MYO1E: variants seen among roughly 807,000 people sequenced by gnomAD.
MYO1E encodes the protein myosin IE, also known as unconventional myosin-Ie.
In MYO1E, 68 loss-of-function variants were observed where a neutral mutation model predicts 151.1. The observed-to-expected ratio is 0.45, with a 90% CI of 0.37 to 0.55. MYO1E has a LOEUF of 0.55. Among genes scored for constraint, MYO1E ranks in the 20% least tolerant of loss-of-function variants. MYO1E has a pLI of 0.00. For synonymous variants in MYO1E, 601 were observed against 501.7 expected, an observed-to-expected ratio of 1.20 and a Z score of -2.64; for missense variants, 1,363 against 1,389.3, an observed-to-expected ratio of 0.98 and a Z score of 0.30.
chr15:59,236,509 T>C, intron 5 of MYO1E, 76 bp downstream of exon 5: 1 of 1,303,030 alleles, frequency 7.7e-7, no homozygotes, highest in South Asian at 1.2e-5. Flanking sequence ...GGAAGAAAAA[T>C]TCTTTTCTAA....
Position 59,203,637 on chromosome 15 carries a change from GTGCTGTGAT to G in MYO1E, c.1617-1239_1617-1231del, listed in dbSNP as rs552359846. Reference sequence around the variant, plus strand: ...GATCCACCCACCTTGGCCTCCCAAAGTGCTGTGATTACAGGCATGAGCCACTGCACCCAG... The same window carrying G: ...GATCCACCCACCTTGGCCTCCCAAAGTACAGGCATGAGCCACTGCACCCAG... On this transcript the variant is annotated intron_variant, in intron 15 of 27. Coordinates refer to ENST00000288235, the MANE Select transcript of MYO1E (RefSeq NM_004998.4). Among the ~76,000 whole-genome samples the G allele has an allele frequency of 1.1e-3, 165 of 152,286 alleles. 1 individual carries two copies. The highest frequency in any genetic ancestry group is 3.0e-3 in the African/African-American group (124 of 41,560).
At chr15:59,241,680 G>A (rs1397511841) in intron 4 of MYO1E, among the ~76,000 whole-genome samples, 5 of 151,698 alleles carry the variant, frequency 3.3e-5, no homozygotes, top group African/African-American at 9.7e-5. Context: ...CTCCAGCCTC[G>A]GTGACAGAGC....
intron 8 of MYO1E, among the ~76,000 whole-genome samples, chr15:59,223,764 G>T (rs1344415196): frequency 1.3e-5 from 2 of 152,146 alleles, no homozygotes; most frequent in Non-Finnish European, 1.5e-5. Flanking sequence ...AGTTTCTGAG[G>T]TCCCTTAAAT....
At chr15:59,138,817 C>A (rs2079389669) in intron 26 of MYO1E, among the ~76,000 whole-genome samples, 1 of 152,142 alleles carries the variant, frequency 6.6e-6, no homozygotes, top group Non-Finnish European at 1.5e-5. Context: ...ATTAACCATT[C>A]TCTGGCTCAT....
At position 59,230,224 on chromosome 15, in the gene MYO1E, T is replaced by TTG. The variant is rs71119445; in HGVS notation, c.510+1476_510+1477dup. 1.1e-3 allele frequency among the ~76,000 whole-genome samples: 144 copies of TTG among 127,006 alleles called. 1 individual carries two copies. The highest frequency in any genetic ancestry group is 4.1e-3 in the African/African-American group (135 of 32,942). 83.3% of individuals were successfully genotyped at this position (127,006 alleles called of 152,430 possible). ...TGAGAGAGAGAGAGACAGTGTGTGTTTGTGTGTGTGTGTGTGTGTGTGTGT... is the reference window on the plus strand; with the variant it reads ...TGAGAGAGAGAGAGACAGTGTGTGTTTGTGTGTGTGTGTGTGTGTGTGTGTGT... On this transcript the variant is annotated intron_variant, in intron 6 of 27. Coordinates refer to ENST00000288235, the MANE Select transcript of MYO1E (RefSeq NM_004998.4).
intron 8 of MYO1E, 120 bp downstream of exon 8, chr15:59,224,569 C>G: frequency 1.5e-6 from 2 of 1,379,256 alleles, no homozygotes; most frequent in Admixed American, 1.7e-5. Flanking sequence ...AGAGTGCTCA[C>G]AGAGAAAGAG....
At chr15:59,310,482 T>C (rs1179675849) in intron 1 of MYO1E, among the ~76,000 whole-genome samples, 1 of 151,988 alleles carries the variant, frequency 6.6e-6, no homozygotes. Context: ...GAAGGTCATG[T>C]GATGATGGAG....
At position 59,325,029 on chromosome 15, in the gene MYO1E, CCTTTT is replaced by C. The variant is rs1480220342; in HGVS notation, c.3+47464_3+47468del. On this transcript the variant is annotated intron_variant, in intron 1 of 27. Transcript: ENST00000288235. ...TTAACAATTTAAATGAATTCAATTT[CCTTTT>C]CTTTTTTTTTTTTATTTCTGGGACA... Among the ~76,000 whole-genome samples, 3 of 149,950 alleles carry C rather than the reference CCTTTT, an allele frequency of 2.0e-5. No individual in the cohort carries two copies. In the East Asian group the frequency reaches 5.9e-4, roughly 29 times the overall value.
rs2079358872 is a variant in MYO1E, at chr15:59,134,130, T to C, written c.*3250A>G. 1 of 152,286 alleles carries C rather than the reference T, an allele frequency of 6.6e-6. No individual in the cohort carries two copies. The highest frequency in any genetic ancestry group is 1.5e-5 in the Non-Finnish European group (1 of 68,106). The allele number at this position is 152,286 out of a possible 1,614,324, so 9.4% of individuals were successfully genotyped here. A position where few individuals can be genotyped will look rare whatever the true frequency, so the allele number is the denominator to read the frequency against. On this transcript the variant is annotated 3_prime_UTR_variant, in exon 28 of 28. Transcript: ENST00000288235. ...TGACTAAGCTCTGGCCAGCAGAATA[T>C]TGGTGGACATGGTGTGCACACAGGG...
intron 19 of MYO1E, among the ~76,000 whole-genome samples, chr15:59,176,036 G>C (rs1184657064): frequency 1.4e-5 from 2 of 145,186 alleles, no homozygotes; most frequent in African/African-American, 4.9e-5. Context: ...CAAACCCTAT[G>C]GTGTCTGATG....
chr15:59,175,663 TAA>T (rs2079620405), intron 19 of MYO1E, among the ~76,000 whole-genome samples: 1 of 152,238 alleles, frequency 6.6e-6, no homozygotes, highest in Non-Finnish European at 1.5e-5. Flanking sequence ...TTGCCTGTTG[TAA>T]GAATATCCAT....
chr15:59,286,029 G>A (rs1224357604), intron 1 of MYO1E, among the ~76,000 whole-genome samples: 1 of 152,192 alleles, frequency 6.6e-6, no homozygotes. Flanking sequence ...ACCAGCAGCT[G>A]TGCATATAAA....
At chr15:59,232,758 G>C (rs1444151450) in intron 5 of MYO1E, among the ~76,000 whole-genome samples, 6 of 152,180 alleles carry the variant, frequency 3.9e-5, no homozygotes, top group African/African-American at 1.4e-4. Flanking sequence ...AACATTAACT[G>C]TCTGCAGTCT....
intron 26 of MYO1E, among the ~76,000 whole-genome samples, chr15:59,144,477 TAG>T (rs2079429238): frequency 6.6e-6 from 1 of 152,146 alleles, no homozygotes; most frequent in South Asian, 2.1e-4. Flanking sequence ...TCTTTATTTT[TAG>T]AGATGAAGTT....
At chr15:59,268,669 A>G (rs1357434773) in intron 2 of MYO1E, among the ~76,000 whole-genome samples, 2 of 144,636 alleles carry the variant, frequency 1.4e-5, no homozygotes, top group East Asian at 4.0e-4. Flanking sequence ...GCTCTACACC[A>G]AGAGATTAAT....
chr15:59,238,463 A>G (rs976551488), intron 4 of MYO1E, among the ~76,000 whole-genome samples: 7 of 152,250 alleles, frequency 4.6e-5, no homozygotes, highest in Non-Finnish European at 8.8e-5. Flanking sequence ...TGGTAATGTG[A>G]ATAGAAGATA....
At chr15:59,325,282 A>G (rs189684669) in intron 1 of MYO1E, among the ~76,000 whole-genome samples, 16 of 152,234 alleles carry the variant, frequency 1.1e-4, no homozygotes, top group African/African-American at 3.6e-4. Context: ...TGATCCACCT[A>G]CCTTGGCCTC....
At chr15:59,353,652 A>T (rs547486317) in intron 1 of MYO1E, among the ~76,000 whole-genome samples, 189 of 151,744 alleles carry the variant, frequency 1.2e-3, no homozygotes, top group African/African-American at 4.5e-3. Flanking sequence ...AGCTACTCGG[A>T]AGGCTGAGGC....
intron 22 of MYO1E, 108 bp from the exon 23 acceptor site, chr15:59,163,411 TAC>T: frequency 8.9e-7 from 1 of 1,127,384 alleles, no homozygotes; most frequent in South Asian, 1.5e-5. Context: ...GCTAAGATTT[TAC>T]AGTCTTTCTT....
Sources: allele counts gnomAD v4.1 joint callset (sites outside exome capture counted in the v4.1 genomes callset), GRCh38; gene constraint gnomAD v4.1.1; transcripts MANE v1.5; gene names NCBI Gene and HGNC (gene_info 2026-07-23, HGNC 2026-07-21).